The following FHDC1 variants were observed in gnomAD, a reference collection of about 807,000 sequenced individuals.
FHDC1 encodes the protein FH2 domain-containing protein 1.
FHDC1 carries 25 observed loss-of-function variants against 52.6 expected under a neutral mutation model. That is an observed-to-expected ratio of 0.48 (90% CI 0.35 to 0.66). The LOEUF (loss-of-function observed/expected upper bound fraction) is 0.66, where lower values mean the gene tolerates loss of function less well. FHDC1 is among the 30% of genes least tolerant of loss of function. FHDC1 has a pLI of 0.01. For synonymous variants in FHDC1, 616 were observed against 581.5 expected (o/e 1.06, Z -0.85); for missense variants, 1,459 against 1,452.8 (o/e 1.00, Z -0.07).
chr4:152,955,946 G>A (rs578241018), intron 4 of FHDC1, among the ~76,000 whole-genome samples: 5 of 152,010 alleles, frequency 3.3e-5, no homozygotes, highest in East Asian at 1.9e-4. Context: ...CAACCTGGCC[G>A]CTCTCTCTCC....
the FHDC1 span, among the ~76,000 whole-genome samples, chr4:152,927,203 GAT>G: frequency 6.6e-6 from 1 of 152,252 alleles, no homozygotes; most frequent in African/African-American, 2.4e-5. Context: ...AGTTTTGGGA[GAT>G]CAGGGATTCT....
the FHDC1 span, chr4:152,928,113 A>C: frequency 1.1e-5 from 12 of 1,070,970 alleles, no homozygotes; most frequent in African/African-American, 1.9e-4. Context: ...GGGAGCAGCA[A>C]CTCTGAGTCC....
chr4:152,972,306 CG>C, intron 10 of FHDC1, 70 bp from the exon 11 acceptor site: 1 of 1,434,520 alleles, frequency 7.0e-7, no homozygotes, highest in Non-Finnish European at 9.3e-7. Context: ...CTCTGGGCAC[CG>C]GATGCAGTGC....
rs528626708 is a variant in FHDC1, at chr4:152,974,844, T to A, written c.1553T>A (p.Phe518Tyr). 6.2e-7 allele frequency: 1 copy of A among 1,600,312 alleles called. No homozygotes were observed. The highest frequency in any genetic ancestry group is 1.1e-5 in the South Asian group (1 of 90,084). Residue 518 changes from phenylalanine to tyrosine, a missense_variant, in exon 12 of 12, where the codon TTC (phenylalanine) becomes TAC (tyrosine). By Grantham distance (22) the Phe-to-Tyr change is conservative. Coordinates refer to ENST00000511601, the MANE Select transcript of FHDC1 (RefSeq NM_001371116.1). ...AAGGGTGCAGAGGGCCTGCTCCCTTTCCTGCACCCCAGGCCCATCAGCCCC... is the reference window on the plus strand; with the variant it reads ...AAGGGTGCAGAGGGCCTGCTCCCTTACCTGCACCCCAGGCCCATCAGCCCC... Reference protein sequence around the residue: ...TKKGAEGLLPFLHPRPISPSS... With the variant: ...TKKGAEGLLPYLHPRPISPSS...
the FHDC1 span, among the ~76,000 whole-genome samples, chr4:152,923,182 A>G: frequency 6.6e-6 from 1 of 152,178 alleles, no homozygotes; most frequent in African/African-American, 2.4e-5. Context: ...AAATCAATGT[A>G]CAAAAATCAC....
chr4:152,972,706 T>C (rs7693515), intron 11 of FHDC1, among the ~76,000 whole-genome samples, 165 bp downstream of exon 11: 2,636 of 152,288 alleles, frequency 0.017, 85 homozygotes, highest in African/African-American at 0.058. Flanking sequence ...TGCTGGAAAG[T>C]GGCTCTGCCA....
chr4:152,931,324 C>T (rs935638554), upstream of FHDC1, among the ~76,000 whole-genome samples: 2 of 152,170 alleles, frequency 1.3e-5, no homozygotes, highest in East Asian at 3.9e-4. Flanking sequence ...TACACAAACA[C>T]CAACCAGTTT....
At chr4:152,957,184 G>A (rs1740114535) in intron 4 of FHDC1, among the ~76,000 whole-genome samples, 1 of 152,182 alleles carries the variant, frequency 6.6e-6, no homozygotes, top group Non-Finnish European at 1.5e-5. Flanking sequence ...TTACCACGTG[G>A]CTCTCAGCCT....
the FHDC1 span, among the ~76,000 whole-genome samples, chr4:152,919,301 A>C: frequency 2.0e-5 from 3 of 152,244 alleles, no homozygotes; most frequent in Non-Finnish European, 4.4e-5. Flanking sequence ...AAGTCCATAC[A>C]AATCATAAGG....
intron 10 of FHDC1, among the ~76,000 whole-genome samples, chr4:152,968,485 C>G (rs764388793): frequency 2.0e-4 from 30 of 152,100 alleles, no homozygotes; most frequent in Non-Finnish European, 3.8e-4. Flanking sequence ...CACCACCACA[C>G]CTGGCTAATT....
At chr4:152,911,502 T>C in the FHDC1 span, 1 of 152,438 alleles carries the variant, frequency 6.6e-6, no homozygotes, top group Admixed American at 6.5e-5. Context: ...CACTACATGG[T>C]TCTATCAGTA....
In FHDC1 at chr4:152,943,501, C is replaced by A. The variant is rs184801523; in HGVS notation, c.444C>A (p.Ser148=). 5 of 1,613,932 alleles carry A rather than the reference C, an allele frequency of 3.1e-6. No homozygotes were observed. In the African/African-American group the frequency reaches 6.7e-5, roughly 22 times the overall value. ...FGQQEDTTKS[S]LPRRGRTLNS... ...AGCAGGAAGACACCACCAAGTCTTC[C>A]CTTCCTAGGAGAGGAAGAACTTTAA... Residue 148 remains serine, a synonymous_variant, in exon 2 of 12, where the codon TCC becomes TCA. Coordinates refer to ENST00000511601, the MANE Select transcript of FHDC1 (RefSeq NM_001371116.1).
At chr4:152,934,340 T>C (rs939752702), upstream of FHDC1, among the ~76,000 whole-genome samples, 1 of 152,132 alleles carries the variant, frequency 6.6e-6, no homozygotes, top group Non-Finnish European at 1.5e-5. Context: ...AGAGTACTAG[T>C]TTTGAGGGAA....
upstream of FHDC1, among the ~76,000 whole-genome samples, chr4:152,933,315 A>C (rs530762219): frequency 9.2e-5 from 14 of 152,350 alleles, no homozygotes; most frequent in African/African-American, 2.6e-4. Context: ...ATAGATGAAG[A>C]ATAAATTGTC....
rs1431832854 is a variant in FHDC1 at position 152,975,466 on chromosome 4, A to G, written c.2175A>G (p.Thr725=). ...TCAGTGCCAGCAGCAGCAGCCTGACACCCATGGGCAGAGATGCCCTGGGGA... is the reference window on the plus strand; with the variant it reads ...TCAGTGCCAGCAGCAGCAGCCTGACGCCCATGGGCAGAGATGCCCTGGGGA... ...QSLSASSSSL[T]PMGRDALGSL... The change falls in exon 12 of 12, where the codon ACA becomes ACG. Residue 725 remains threonine, a synonymous_variant. Coordinates refer to ENST00000511601, the MANE Select transcript of FHDC1 (RefSeq NM_001371116.1). 6.2e-7 allele frequency: 1 copy of G among 1,613,278 alleles called. No individual in the cohort carries two copies. Among genetic ancestry groups the G allele is most frequent in the Non-Finnish European group, 8.5e-7 (1 of 1,179,960 alleles).
At position 152,979,621 on chromosome 4, in the gene FHDC1, T is replaced by C. The variant is rs1191023810; in HGVS notation, c.*2898T>C. Reference sequence around the variant, plus strand: ...AACTGAATGTATTTAATGGTCCATTTATATGTTCTTTTATGTAACATGTAG... The same window carrying C: ...AACTGAATGTATTTAATGGTCCATTCATATGTTCTTTTATGTAACATGTAG... On this transcript the variant is annotated 3_prime_UTR_variant, in exon 12 of 12. Coordinates refer to ENST00000511601, the MANE Select transcript of FHDC1 (RefSeq NM_001371116.1). 3 of 152,272 alleles carry C rather than the reference T, an allele frequency of 2.0e-5. No homozygotes were observed. The highest frequency in any genetic ancestry group is 4.8e-5 in the African/African-American group (2 of 41,478). 9.4% of individuals were successfully genotyped at this position (152,272 alleles called of 1,614,324 possible).
the FHDC1 span, among the ~76,000 whole-genome samples, chr4:152,921,765 C>A: frequency 0.016 from 2,444 of 152,090 alleles, 27 homozygotes; most frequent in Non-Finnish European, 0.027. Context: ...ACCCTCATGC[C>A]AAATTTTGAC....
chr4:152,930,985 ACACACACACACACT>A, the FHDC1 span, among the ~76,000 whole-genome samples: 1 of 145,328 alleles, frequency 6.9e-6, no homozygotes, highest in Non-Finnish European at 1.5e-5. Context: ...ACACACACAC[ACACACACACACACT>A]CTCTCTCTCT....
chr4:152,976,737 T>A lies in FHDC1; in HGVS notation c.*14T>A. The stretch of plus-strand genomic sequence containing the variant: ...TTACGGAAGTGATGGGTGCCTGTCC[T>A]CTCCTGCCTCCTGGGATTCAGACGG... On this transcript the variant is annotated 3_prime_UTR_variant, in exon 12 of 12. Coordinates refer to ENST00000511601, the MANE Select transcript of FHDC1 (RefSeq NM_001371116.1). 2.7e-6 allele frequency: 4 copies of A among 1,456,364 alleles called. No individual in the cohort carries two copies. The highest frequency in any genetic ancestry group is 3.6e-6 in the Non-Finnish European group (4 of 1,100,592). The allele number at this position is 1,456,364 out of a possible 1,614,324, so 90.2% of individuals were successfully genotyped here. A position where few individuals can be genotyped will look rare whatever the true frequency, so the allele number is the denominator to read the frequency against.
Sources: gnomAD v4.1 joint callset for allele counts (sites outside exome capture counted in the v4.1 genomes callset) on GRCh38, gnomAD v4.1.1 for gene constraint, MANE v1.5 for transcripts, NCBI Gene and HGNC (gene_info 2026-07-23, HGNC 2026-07-21) for gene names.